The following PPIL4 variants were observed in gnomAD, a reference collection of about 807,000 sequenced individuals.
The protein encoded by PPIL4 is peptidylprolyl isomerase like 4, also known as peptidyl-prolyl cis-trans isomerase-like 4.
PPIL4 carries 50 observed loss-of-function variants against 69.1 expected under a neutral mutation model. That is an observed-to-expected ratio of 0.72 (90% CI 0.58 to 0.92). PPIL4 has a LOEUF of 0.92. Ranked by LOEUF, PPIL4 falls within the 40% of genes least tolerant of loss-of-function variation. The probability of loss-of-function intolerance (pLI) is 0.00; values close to 1 mark genes in which losing one functional copy is unlikely to be tolerated. For synonymous variants in PPIL4, 193 were observed against 191.6 expected, an observed-to-expected ratio of 1.01 and a Z score of -0.06; for missense variants, 480 against 587.9, an observed-to-expected ratio of 0.82 and a Z score of 1.90.
intron 1 of PPIL4, among the ~76,000 whole-genome samples, chr6:149,543,559 A>G (rs572937053): frequency 3.3e-5 from 5 of 152,266 alleles, no homozygotes; most frequent in Admixed American, 3.3e-4. Context: ...TCAAAGTGTG[A>G]TAAGATCTGT....
At chr6:149,544,776 T>C (rs1219104643) in intron 1 of PPIL4, among the ~76,000 whole-genome samples, 2 of 152,154 alleles carry the variant, frequency 1.3e-5, no homozygotes, top group Non-Finnish European at 2.9e-5. Flanking sequence ...GGAGAGTTTG[T>C]AGTGTTTTCG....
intron 10 of PPIL4, among the ~76,000 whole-genome samples, chr6:149,518,421 G>A (rs1174697855): frequency 6.6e-6 from 1 of 152,158 alleles, no homozygotes; most frequent in Admixed American, 6.5e-5. Context: ...TTGTAGAAAG[G>A]CTTCCTACAG....
Position 149,545,968 on chromosome 6 carries a change from A to T in PPIL4, c.38T>A (p.Val13Asp). 1 of 1,590,608 alleles carries T rather than the reference A, an allele frequency of 6.3e-7. No individual in the cohort carries two copies. The highest frequency in any genetic ancestry group is 8.6e-7 in the Non-Finnish European group (1 of 1,166,098). Residue 13 changes from valine (V) to aspartate (D), a missense_variant, in exon 1 of 13, where the codon GTC (valine) becomes GAC (aspartate). Physicochemically the swap from Val to Asp is radical, Grantham distance 152. Coordinates refer to ENST00000253329, the MANE Select transcript of PPIL4 (RefSeq NM_139126.4). ...CCGTTCTTCGGTGTACAAGTCGATG[A>T]CGACGTCGCCTAAAGTGGTCTCCAG... ...VLLETTLGDVVIDLYTEERPR... is the reference protein window; with the variant it reads ...VLLETTLGDVDIDLYTEERPR...
intron 11 of PPIL4, among the ~76,000 whole-genome samples, chr6:149,512,649 G>C (rs1776870675): frequency 6.6e-6 from 1 of 152,160 alleles, no homozygotes; most frequent in Non-Finnish European, 1.5e-5. Flanking sequence ...GCCCAGAAAA[G>C]CTATATAAGA....
In PPIL4 at chr6:149,537,169, G is replaced by C. The variant is rs1343545192; in HGVS notation, c.322-1431C>G. ...AGCTGCAGCATGCATCAAGTTATCT[G>C]GAAGATCTAGCTAAGATCACTGATG... On this transcript the variant is annotated intron_variant, in intron 4 of 12. Coordinates refer to ENST00000253329, the MANE Select transcript of PPIL4 (RefSeq NM_139126.4). Among the ~76,000 whole-genome samples the C allele has an allele frequency of 2.0e-5, 3 of 151,690 alleles. No individual in the cohort carries two copies. In the East Asian group the frequency reaches 5.8e-4, roughly 29 times the overall value.
rs1165708540 is a variant in PPIL4, at chr6:149,533,521, A to T, written c.615T>A (p.Ala205=). ...CTGCCTTTATTTCTTCTACTTCCTC[A>T]GCTGATCTTCCTTTGAAATCATCAA... ...EEIDDFKGRS[A]EEVEEIKAEK... is the part of the protein sequence containing the mutation. The change falls in exon 7 of 13, where the codon GCT becomes GCA. Residue 205 remains alanine (A), a synonymous_variant. Transcript: ENST00000253329. 1 of 1,612,990 alleles carries T rather than the reference A, an allele frequency of 6.2e-7. No homozygotes were observed. Among genetic ancestry groups the T allele is most frequent in the Non-Finnish European group, 8.5e-7 (1 of 1,179,288 alleles).
At chr6:149,517,568 G>A (rs1188089054) in intron 10 of PPIL4, 118 bp from the exon 11 acceptor site, 6 of 531,386 alleles carry the variant, frequency 1.1e-5, no homozygotes, top group Non-Finnish European at 2.0e-5. Flanking sequence ...GAGAGACAGA[G>A]AAAGGGAACA....
chr6:149,519,409 C>T (rs2115031143), intron 10 of PPIL4, among the ~76,000 whole-genome samples: 1 of 152,248 alleles, frequency 6.6e-6, no homozygotes, highest in Admixed American at 6.5e-5. Context: ...CTGCATCAGG[C>T]CAGCAGCTCA....
intron 4 of PPIL4, 103 bp downstream of exon 4, chr6:149,540,839 T>C (rs2115040811): frequency 1.7e-6 from 1 of 571,448 alleles, no homozygotes; most frequent in East Asian, 2.8e-5. Context: ...TATTTCTGAT[T>C]GAAACCCTCT....
At chr6:149,535,402 T>G (rs767441836) in intron 5 of PPIL4, among the ~76,000 whole-genome samples, 194 bp downstream of exon 5, 3 of 152,164 alleles carry the variant, frequency 2.0e-5, no homozygotes, top group Admixed American at 6.6e-5. Context: ...TTATAAATAA[T>G]TAGTACAAGT....
chr6:149,543,765 A>C (rs936247680), intron 1 of PPIL4, among the ~76,000 whole-genome samples: 2 of 152,174 alleles, frequency 1.3e-5, no homozygotes, highest in Non-Finnish European at 2.9e-5. Context: ...GATTAAATAG[A>C]TGCACTGGAG....
intron 7 of PPIL4, among the ~76,000 whole-genome samples, chr6:149,532,750 G>A (rs1777217800): frequency 6.6e-6 from 1 of 152,116 alleles, no homozygotes. Flanking sequence ...GGAGTTGGAA[G>A]CTGCAGCAAG....
intron 1 of PPIL4, among the ~76,000 whole-genome samples, chr6:149,543,974 A>T (rs1777402454): frequency 6.6e-6 from 1 of 152,244 alleles, no homozygotes; most frequent in Non-Finnish European, 1.5e-5. Flanking sequence ...TAGATTGATA[A>T]GTGAGTATAA....
chr6:149,535,689 G>C lies in PPIL4; in HGVS notation c.371C>G (p.Thr124Arg). The C allele has an allele frequency of 6.2e-7, 1 of 1,609,884 alleles. No individual in the cohort carries two copies. Among genetic ancestry groups the C allele is most frequent in the Non-Finnish European group, 8.5e-7 (1 of 1,176,752 alleles). The change falls in exon 5 of 13, where the codon ACG becomes AGG. Residue 124 changes from threonine (T) to arginine (R), a missense_variant. Transcript: ENST00000253329. ...GCCTTCTGTCACCTCACCAAACACC[G>C]TATGGACACCATCAAGATAATCTAG... Reference protein sequence around the residue: ...ENLDYLDGVHTVFGEVTEGMD... With the variant: ...ENLDYLDGVHRVFGEVTEGMD...
chr6:149,511,397 T>TTGTGTGTG (rs375170478), intron 12 of PPIL4, among the ~76,000 whole-genome samples: 3,872 of 147,690 alleles, frequency 0.026, 153 homozygotes, highest in African/African-American at 0.09. Flanking sequence ...GCCTGGCCAA[T>TTGTGTGTG]TGTGTGTGTG....
At chr6:149,545,876 G>A (rs1777432795) in intron 1 of PPIL4, 60 bp downstream of exon 1, 6 of 1,471,560 alleles carry the variant, frequency 4.1e-6, no homozygotes, top group Non-Finnish European at 5.6e-6. Flanking sequence ...CGCAGAGAAG[G>A]GAAAGTAGGG....
chr6:149,510,089 G>T (rs951149691), intron 12 of PPIL4, among the ~76,000 whole-genome samples: 2 of 152,054 alleles, frequency 1.3e-5, no homozygotes, highest in African/African-American at 4.8e-5. Context: ...ACCGATTCAT[G>T]TGAGAAATAT....
intron 4 of PPIL4, among the ~76,000 whole-genome samples, chr6:149,536,632 T>C (rs1288524166): frequency 6.8e-6 from 1 of 147,858 alleles, no homozygotes; most frequent in Non-Finnish European, 1.5e-5. Context: ...TTCAATTCTA[T>C]AAAGGCTGAG....
At chr6:149,519,791 C>T (rs1161964153) in intron 10 of PPIL4, among the ~76,000 whole-genome samples, 1 of 152,000 alleles carries the variant, frequency 6.6e-6, no homozygotes, top group Non-Finnish European at 1.5e-5. Flanking sequence ...ACAAAAAAAA[C>T]AGTTCATTAA....
Sources: gnomAD v4.1 joint callset for allele counts (sites outside exome capture counted in the v4.1 genomes callset) on GRCh38, gnomAD v4.1.1 for gene constraint, MANE v1.5 for transcripts, NCBI Gene and HGNC (gene_info 2026-07-23, HGNC 2026-07-21) for gene names.